Variants in PPP1R3F observed in about 807,000 individuals in gnomAD.
PPP1R3F encodes protein phosphatase 1 regulatory subunit 3F, also known as protein phosphatase 1, regulatory (inhibitor) subunit 3F.
In PPP1R3F, 29 loss-of-function variants were observed where a neutral mutation model predicts 24.2. The observed-to-expected ratio is 1.20, with a 90% CI of 0.89 to 1.63. The LOEUF is 1.63. PPP1R3F is among the 40% of genes most tolerant of loss of function. The pLI is 0.00. For missense variants in PPP1R3F, 823 were observed against 729.3 expected (o/e 1.13, Z -1.48); for synonymous variants, 363 against 340.1 (o/e 1.07, Z -0.74).
At chrX:49,294,297 G>C (rs1325252579) in intron 3 of PPP1R3F, among the ~76,000 whole-genome samples, 3 of 106,509 alleles carry the variant, frequency 2.8e-5, no homozygotes, top group Non-Finnish European at 5.8e-5. Context: ...GCGGCTCACT[G>C]CAGCCTTGAC....
chrX:49,286,397 C>T lies in PPP1R3F; in HGVS notation c.1707C>T (p.Asp569=), dbSNP rs2066284363. ...GGCGTGGCGTGGAGCTCATCAAGGA[C>T]ACCGAAGACCCTGATGATGAAGGGG... The part of the protein sequence containing the change: ...RLGRGVELIK[D]TEDPDDEGEG... Residue 569 remains aspartate, a synonymous_variant, in exon 4 of 4, where the codon GAC becomes GAT. Transcript: ENST00000055335. The T allele has an allele frequency of 1.7e-6, 2 of 1,190,647 alleles. No homozygotes were observed. Among genetic ancestry groups the T allele is most frequent in the East Asian group, 6.0e-5 (2 of 33,601 alleles).
downstream of PPP1R3F, among the ~76,000 whole-genome samples, chrX:49,291,312 C>CTCTCTCTCTCTCTCTG (rs2066307894): frequency 2.2e-5 from 1 of 45,706 alleles, no homozygotes; most frequent in Non-Finnish European, 7.5e-5. Flanking sequence ...CTCTCTCTCT[C>CTCTCTCTCTCTCTCTG]TCTCTCTCTC....
intron 3 of PPP1R3F, among the ~76,000 whole-genome samples, chrX:49,297,516 T>C (rs1557122940): frequency 9.3e-6 from 1 of 107,391 alleles, no homozygotes; most frequent in African/African-American, 3.4e-5. Context: ...GCCTGGCCAA[T>C]TTTTTGTATT....
rs202163127 is a variant in PPP1R3F, at chrX:49,270,627, C to T, written c.758C>T (p.Ala253Val). The change falls in exon 1 of 4, where the codon GCG becomes GTG. Residue 253 changes from alanine to valine, a missense_variant. Coordinates refer to ENST00000055335, the MANE Select transcript of PPP1R3F (RefSeq NM_033215.5). ...TTCCAGCTGCCCTTTGCTGAGGGCG[C>T]GGGCGATGGGGCGCGCCTCGACTTC... ...FAFQLPFAEG[A>V]GDGARLDFVV... 4.1e-5 allele frequency: 49 copies of T among 1,205,794 alleles called. No individual in the cohort carries two copies. The East Asian group carries it at 1.2e-3, about 29-fold the overall frequency.
At chrX:49,279,456 G>A (rs1194254693) in intron 1 of PPP1R3F, among the ~76,000 whole-genome samples, 1 of 111,891 alleles carries the variant, frequency 8.9e-6, no homozygotes, top group Non-Finnish European at 1.9e-5. Context: ...GGCCGAGGAG[G>A]GTGGATCACC....
chrX:49,297,209 A>G (rs2066325269), intron 3 of PPP1R3F, among the ~76,000 whole-genome samples: 1 of 104,051 alleles, frequency 9.6e-6, no homozygotes, highest in Non-Finnish European at 2.0e-5. Context: ...TTATTTATTT[A>G]TTTATTTATT....
At chrX:49,282,779 C>T (rs2066257774) in intron 3 of PPP1R3F, among the ~76,000 whole-genome samples, 2 of 109,332 alleles carry the variant, frequency 1.8e-5, no homozygotes, top group Non-Finnish European at 3.8e-5. Context: ...GCCTCACAGG[C>T]CATGGTGAAG....
chrX:49,277,137 T>C (rs2066218671), intron 1 of PPP1R3F, among the ~76,000 whole-genome samples: 1 of 112,874 alleles, frequency 8.9e-6, no homozygotes, highest in Non-Finnish European at 1.9e-5. Flanking sequence ...ACAGGGCTTG[T>C]CAGCCCTCAC....
chrX:49,281,970 C>T lies in PPP1R3F; in HGVS notation c.1061-11C>T. ...CTGTCTTGCCCAATGCTGCCTTTCT[C>T]TTCCCTCTAGCAGAGCATCCTGATG... On this transcript the variant is annotated splice_polypyrimidine_tract_variant and intron_variant, in intron 2 of 3. Transcript: ENST00000055335. 1.7e-6 allele frequency: 2 copies of T among 1,189,824 alleles called. No homozygotes were observed. Among genetic ancestry groups the T allele is most frequent in the African/African-American group, 1.7e-5 (1 of 57,507 alleles).
intron 3 of PPP1R3F, chrX:49,301,258 A>G: frequency 4.9e-6 from 2 of 408,833 alleles, no homozygotes; most frequent in Non-Finnish European, 8.5e-6. Flanking sequence ...CTATTTAATA[A>G]AACCCAAACT....
At position 49,270,854 on chromosome X, in the gene PPP1R3F, A is replaced by G; in HGVS notation, c.985A>G (p.Met329Val). 6 of 1,182,882 alleles carry G rather than the reference A, an allele frequency of 5.1e-6. No homozygotes were observed. Among genetic ancestry groups the G allele is most frequent in the East Asian group, 3.1e-5 (1 of 32,063 alleles). ...TGAGGCCAGGCAGCTGAAGAGCTGC[A>G]TGAAGCCGGTGAGGCGCAGGTAATG... Reference protein sequence around the residue: ...EAEARQLKSCMKPVRRRPAEE... With the variant: ...EAEARQLKSCVKPVRRRPAEE... Residue 329 changes from methionine to valine, a missense_variant, in exon 1 of 4, where the codon ATG (methionine) becomes GTG (valine). By Grantham distance (21) the Met-to-Val change is conservative. Transcript: ENST00000055335.
Position 49,287,179 on chromosome X carries a change from C to A in PPP1R3F, c.*89C>A. 1 of 960,944 alleles carries A rather than the reference C, an allele frequency of 1.0e-6. No individual in the cohort carries two copies. The highest frequency in any genetic ancestry group is 1.4e-6 in the Non-Finnish European group (1 of 702,315). The allele number at this position is 960,944 out of a possible 1,213,427, so 79.2% of individuals were successfully genotyped here. The stretch of plus-strand genomic sequence containing the variant: ...TGGGTCCTTTGCTTCTGAGAATGCT[C>A]AACTGAAAGAGAGGCCTTCTCATCC... On this transcript the variant is annotated 3_prime_UTR_variant, in exon 4 of 4. Coordinates refer to ENST00000055335, the MANE Select transcript of PPP1R3F (RefSeq NM_033215.5).
At chrX:49,288,118 C>T (rs1467704099), downstream of PPP1R3F, 3 of 112,373 alleles carry the variant, frequency 2.7e-5, no homozygotes, top group African/African-American at 9.7e-5. Flanking sequence ...ATTTACTTCC[C>T]TTTACAGCAA....
At chrX:49,296,346 G>T (rs2066322713) in intron 3 of PPP1R3F, among the ~76,000 whole-genome samples, 1 of 111,813 alleles carries the variant, frequency 8.9e-6, no homozygotes, top group South Asian at 3.7e-4. Flanking sequence ...TTGTATTTCT[G>T]TGGGATCAGT....
At chrX:49,282,235 G>T (rs1169236682) in intron 3 of PPP1R3F, among the ~76,000 whole-genome samples, 172 bp downstream of exon 3, 1 of 111,883 alleles carries the variant, frequency 8.9e-6, no homozygotes, top group African/African-American at 3.3e-5. Context: ...ACTCAGCTGG[G>T]CTTGTAGAAA....
intron 3 of PPP1R3F, 32 bp from the exon 4 acceptor site, chrX:49,285,802 T>C (rs916072955): frequency 9.0e-7 from 1 of 1,117,081 alleles, no homozygotes; most frequent in Admixed American, 3.0e-5. Context: ...CCTTGCTTTT[T>C]CTCTGCCCCC....
intron 1 of PPP1R3F, chrX:49,273,495 C>A (rs184555270): frequency 1.4e-3 from 156 of 112,347 alleles, no homozygotes; most frequent in African/African-American, 5.0e-3. Context: ...TTGATAGCTT[C>A]TTTATCTTTC....
At chrX:49,273,997 G>A (rs2066197015) in intron 1 of PPP1R3F, 3 of 112,821 alleles carry the variant, frequency 2.7e-5, no homozygotes, top group Non-Finnish European at 5.6e-5. Flanking sequence ...GAGATGCAGA[G>A]TGGTCCTAAG....
At chrX:49,273,900 ACT>A (rs1225742568) in intron 1 of PPP1R3F, 6 of 112,109 alleles carry the variant, frequency 5.4e-5, no homozygotes, top group Non-Finnish European at 1.1e-4. Flanking sequence ...GCATTTGGTA[ACT>A]CTAAAGCTTA....
Sources: gnomAD v4.1 joint callset for allele counts (sites outside exome capture counted in the v4.1 genomes callset) on GRCh38, gnomAD v4.1.1 for gene constraint, MANE v1.5 for transcripts, NCBI Gene and HGNC (gene_info 2026-07-23, HGNC 2026-07-21) for gene names.